Variants in GREB1L observed in about 807,000 individuals in gnomAD.
GREB1L encodes GREB1-like protein.
In GREB1L, 17 loss-of-function variants were observed where a neutral mutation model predicts 200.8. That is an observed-to-expected ratio of 0.08 (90% CI 0.06 to 0.13). The LOEUF (loss-of-function observed/expected upper bound fraction) is 0.13. Among genes scored for constraint, GREB1L ranks in the 10% least tolerant of loss-of-function variants. The probability of loss-of-function intolerance (pLI) is 1.00; values close to 1 mark genes in which losing one functional copy is unlikely to be tolerated. For missense variants in GREB1L, 1,657 were observed against 2,367.7 expected (o/e 0.70, Z 6.23); for synonymous variants, 789 against 893.0 (o/e 0.88, Z 2.08).
At chr18:21,291,821 C>T (rs1327731418) in intron 1 of GREB1L, among the ~76,000 whole-genome samples, 2 of 152,112 alleles carry the variant, frequency 1.3e-5, no homozygotes, top group Admixed American at 6.5e-5. Flanking sequence ...CCTGGCCGTA[C>T]GTGCAGGGAT....
At chr18:21,410,026 A>G (rs1244862906) in intron 7 of GREB1L, among the ~76,000 whole-genome samples, 1 of 152,196 alleles carries the variant, frequency 6.6e-6, no homozygotes, top group African/African-American at 2.4e-5. Flanking sequence ...TTTTATTTAA[A>G]TTAGAAATTA....
At chr18:21,388,473 T>C (rs1351940971) in intron 4 of GREB1L, among the ~76,000 whole-genome samples, 1 of 151,478 alleles carries the variant, frequency 6.6e-6, no homozygotes, top group Non-Finnish European at 1.5e-5. Flanking sequence ...ATCCTTTTCC[T>C]GTTCCAGTAT....
intron 21 of GREB1L, 126 bp downstream of exon 21, chr18:21,496,824 C>A: frequency 1.0e-6 from 1 of 988,142 alleles, no homozygotes; most frequent in Non-Finnish European, 1.5e-6. Context: ...GGACTGGCAT[C>A]CTCTCCAGAC....
intron 7 of GREB1L, among the ~76,000 whole-genome samples, chr18:21,411,317 C>A (rs1390060500): frequency 1.3e-5 from 2 of 152,030 alleles, no homozygotes; most frequent in African/African-American, 4.8e-5. Context: ...CACCATTCTC[C>A]TGCCTCAGCC....
chr18:21,459,176 TCAAATGG>T (rs1395127180), intron 15 of GREB1L, among the ~76,000 whole-genome samples: 3 of 151,986 alleles, frequency 2.0e-5, no homozygotes, highest in Non-Finnish European at 1.5e-5. Context: ...ATTACTCTAT[TCAAATGG>T]ACATAAGGCA....
intron 23 of GREB1L, among the ~76,000 whole-genome samples, chr18:21,502,197 G>A (rs1414757206): frequency 3.3e-5 from 5 of 151,570 alleles, no homozygotes; most frequent in African/African-American, 1.2e-4. Flanking sequence ...TTTGCAGTGA[G>A]TTGAGATCAC....
At position 21,525,199 on chromosome 18, in the gene GREB1L, T is replaced by C. The variant is rs190114212; in HGVS notation, c.*2378T>C. ...ACGAAAAACTAGAAGACAATTGTTA[T>C]AATTTTTTTTGGCTGTAATTTATGC... On this transcript the variant is annotated 3_prime_UTR_variant, in exon 33 of 33. Transcript: ENST00000424526. The C allele has an allele frequency of 5.9e-5, 9 of 152,244 alleles. No individual in the cohort carries two copies. In the East Asian group the frequency reaches 1.4e-3, roughly 23 times the overall value. 9.4% of individuals were successfully genotyped at this position (152,244 alleles called of 1,614,324 possible).
intron 1 of GREB1L, among the ~76,000 whole-genome samples, chr18:21,252,479 C>T (rs2037725095): frequency 6.6e-6 from 1 of 150,744 alleles, no homozygotes. Context: ...ATCGCTTGAA[C>T]CAGGGAGGCG....
intron 1 of GREB1L, among the ~76,000 whole-genome samples, chr18:21,296,710 A>G (rs982126231): frequency 2.0e-5 from 3 of 150,334 alleles, no homozygotes; most frequent in African/African-American, 7.4e-5. Context: ...GCTGGAGTGC[A>G]GTGGCGTGAT....
chr18:21,442,434 C>T (rs2145280343), intron 10 of GREB1L, among the ~76,000 whole-genome samples: 1 of 152,310 alleles, frequency 6.6e-6, no homozygotes. Context: ...TCTGTAGGTA[C>T]TGAGGGGATC....
intron 31 of GREB1L, 68 bp from the exon 32 acceptor site, chr18:21,520,620 T>C: frequency 6.7e-7 from 1 of 1,494,638 alleles, no homozygotes; most frequent in Non-Finnish European, 9.1e-7. Flanking sequence ...TACTGAGTCA[T>C]TCTGCTGAAC....
intron 1 of GREB1L, among the ~76,000 whole-genome samples, chr18:21,351,439 G>A (rs1181507497): frequency 6.6e-6 from 1 of 152,094 alleles, no homozygotes; most frequent in Admixed American, 6.5e-5. Flanking sequence ...AGGGCATGGT[G>A]GCGCATGCCT....
At chr18:21,456,206 C>T (rs1248671809) in intron 15 of GREB1L, among the ~76,000 whole-genome samples, 2 of 152,086 alleles carry the variant, frequency 1.3e-5, no homozygotes, top group Admixed American at 6.6e-5. Context: ...ATACCCAGCC[C>T]GGATTCTGCA....
At chr18:21,411,560 T>C (rs1463748579) in intron 7 of GREB1L, among the ~76,000 whole-genome samples, 1 of 151,812 alleles carries the variant, frequency 6.6e-6, no homozygotes, top group African/African-American at 2.4e-5. Flanking sequence ...CTGGTAGGAG[T>C]GTTAATTGAT....
intron 14 of GREB1L, chr18:21,452,503 T>A (rs1303148977): frequency 3.2e-6 from 1 of 310,890 alleles, no homozygotes; most frequent in Admixed American, 4.8e-5. Flanking sequence ...ATTGGCTCAT[T>A]TTCCTTAGCT....
At chr18:21,438,974 A>AG (rs2033728167) in intron 7 of GREB1L, among the ~76,000 whole-genome samples, 1 of 150,168 alleles carries the variant, frequency 6.7e-6, no homozygotes, top group South Asian at 2.1e-4. Context: ...AAAAAAAAAA[A>AG]AAAAAGAAAA....
intron 10 of GREB1L, among the ~76,000 whole-genome samples, chr18:21,442,754 C>CT (rs2033967985): frequency 1.3e-5 from 2 of 148,542 alleles, no homozygotes; most frequent in East Asian, 3.9e-4. Context: ...AAGAATCTTG[C>CT]TATTAATCAA....
At chr18:21,260,176 G>T (rs371862797) in intron 1 of GREB1L, among the ~76,000 whole-genome samples, 2 of 151,934 alleles carry the variant, frequency 1.3e-5, no homozygotes, top group East Asian at 1.9e-4. Flanking sequence ...TCACTTTTTA[G>T]AAATTTGGAT....
At chr18:21,414,401 T>A (rs1477586382) in intron 7 of GREB1L, among the ~76,000 whole-genome samples, 1 of 152,218 alleles carries the variant, frequency 6.6e-6, no homozygotes, top group Admixed American at 6.5e-5. Context: ...TTTTTCTGAA[T>A]TTTCTTTTAT....
Sources: gnomAD v4.1 joint callset for allele counts (sites outside exome capture counted in the v4.1 genomes callset) on GRCh38, gnomAD v4.1.1 for gene constraint, MANE v1.5 for transcripts, NCBI Gene and HGNC (gene_info 2026-07-23, HGNC 2026-07-21) for gene names.